The following LHX8 variants were observed in gnomAD, a reference collection of about 807,000 sequenced individuals.
LHX8 encodes LIM homeobox 8.
A neutral mutation model predicts 40.3 loss-of-function variants in LHX8; 12 were observed. The observed-to-expected ratio is 0.30, with a 90% confidence interval of 0.19 to 0.48. LHX8 has a LOEUF of 0.48. LHX8 is among the 20% of genes least tolerant of loss of function. The pLI is 0.99. For missense variants in LHX8, 344 were observed against 433.7 expected, an observed-to-expected ratio of 0.79 and a Z score of 1.84; for synonymous variants, 179 against 162.0, an observed-to-expected ratio of 1.10 and a Z score of -0.80.
intron 6 of LHX8, among the ~76,000 whole-genome samples, chr1:75,145,531 A>G (rs547076629): frequency 6.6e-6 from 1 of 152,290 alleles, no homozygotes; most frequent in Admixed American, 6.5e-5. Context: ...TTTTATGCCA[A>G]ATCCTATACC....
At chr1:75,151,165 T>A (rs1395406576) in intron 7 of LHX8, among the ~76,000 whole-genome samples, 1 of 152,202 alleles carries the variant, frequency 6.6e-6, no homozygotes, top group Non-Finnish European at 1.5e-5. Context: ...GGTTTCATAA[T>A]TAACAAATCA....
intron 4 of LHX8, among the ~76,000 whole-genome samples, chr1:75,141,709 G>T (rs1425979425): frequency 6.6e-6 from 1 of 152,072 alleles, no homozygotes; most frequent in Non-Finnish European, 1.5e-5. Context: ...TGTGATCTCT[G>T]TGTAGTTTAA....
At chr1:75,148,750 C>T in intron 7 of LHX8, 68 bp downstream of exon 7, 4 of 1,075,138 alleles carry the variant, frequency 3.7e-6, no homozygotes, top group African/African-American at 1.6e-5. Context: ...CCTATGTTGC[C>T]CAGACTGATC....
At chr1:75,193,358 T>G in the LHX8 span, among the ~76,000 whole-genome samples, 1 of 152,196 alleles carries the variant, frequency 6.6e-6, no homozygotes, top group Non-Finnish European at 1.5e-5. Context: ...TCTTTTGACC[T>G]TGCTTCTTAC....
upstream of LHX8, chr1:75,132,960 A>G (rs1297611596): frequency 6.6e-6 from 1 of 152,076 alleles, no homozygotes; most frequent in African/African-American, 2.4e-5. Flanking sequence ...GAATTTCTCC[A>G]CCACCCCCAA....
chr1:75,130,135 G>A, upstream of LHX8: 1 of 158,748 alleles, frequency 6.3e-6, no homozygotes, highest in Non-Finnish European at 1.4e-5. Flanking sequence ...TTAGCGTTTC[G>A]CGCCATAGCT....
chr1:75,160,652 A>G (rs1648892360), intron 8 of LHX8, 167 bp from the exon 9 acceptor site: 1 of 652,570 alleles, frequency 1.5e-6, no homozygotes, highest in Middle Eastern at 2.7e-4. Context: ...GACTCTCACT[A>G]TGCTGAATAG....
At chr1:75,165,979 G>C (rs946170214), downstream of LHX8, among the ~76,000 whole-genome samples, 1 of 152,106 alleles carries the variant, frequency 6.6e-6, no homozygotes, top group African/African-American at 2.4e-5. Flanking sequence ...AACAGTAAAA[G>C]GAAAGTTTTT....
chr1:75,180,835 C>T, the LHX8 span, among the ~76,000 whole-genome samples: 1 of 152,078 alleles, frequency 6.6e-6, no homozygotes, highest in Non-Finnish European at 1.5e-5. Flanking sequence ...GTTTTATCTA[C>T]CTTTGGTTTT....
chr1:75,142,364 TAGG>T (rs1200133738), intron 4 of LHX8, among the ~76,000 whole-genome samples: 1 of 152,120 alleles, frequency 6.6e-6, no homozygotes, highest in African/African-American at 2.4e-5. Flanking sequence ...GTGATTGTGA[TAGG>T]AGACATAACA....
At chr1:75,129,524 G>GCGGT (rs1051715481), upstream of LHX8, among the ~76,000 whole-genome samples, 4 of 152,114 alleles carry the variant, frequency 2.6e-5, no homozygotes, top group African/African-American at 9.7e-5. Flanking sequence ...AAAGTTGTGG[G>GCGGT]CGGTCGGCGC....
At chr1:75,172,117 C>T in the LHX8 span, among the ~76,000 whole-genome samples, 1 of 152,306 alleles carries the variant, frequency 6.6e-6, no homozygotes, top group Middle Eastern at 3.4e-3. Context: ...TGCAACAATA[C>T]TTCAATTCCA....
the LHX8 span, among the ~76,000 whole-genome samples, chr1:75,186,743 G>A: frequency 6.6e-6 from 1 of 152,034 alleles, no homozygotes; most frequent in Admixed American, 6.6e-5. Flanking sequence ...GATTTCCTGA[G>A]TGCCAACATA....
At chr1:75,163,881 C>T (rs1018219081), downstream of LHX8, among the ~76,000 whole-genome samples, 1 of 152,106 alleles carries the variant, frequency 6.6e-6, no homozygotes, top group Non-Finnish European at 1.5e-5. Flanking sequence ...ATAAAAGAGA[C>T]CTAAGGGGCT....
chr1:75,196,708 C>T, the LHX8 span, among the ~76,000 whole-genome samples: 57 of 152,190 alleles, frequency 3.7e-4, no homozygotes, highest in South Asian at 3.7e-3. Context: ...TATTAAGAGA[C>T]GGAAAGAGAT....
At chr1:75,160,608 C>A in intron 8 of LHX8, 1 of 572,382 alleles carries the variant, frequency 1.7e-6, no homozygotes, top group Non-Finnish European at 3.1e-6. Flanking sequence ...ATCTTGTGGC[C>A]CCAAATAAAG....
chr1:75,183,176 G>A, the LHX8 span: 1 of 152,166 alleles, frequency 6.6e-6, no homozygotes, highest in Non-Finnish European at 1.5e-5. Context: ...AAGAGATGGG[G>A]AGGGCACAAA....
Position 75,134,435 on chromosome 1 carries a change from A to G in LHX8, c.-532A>G, listed in dbSNP as rs555998426. 1.3e-5 allele frequency among the ~76,000 whole-genome samples: 2 copies of G among 152,114 alleles called. No individual in the cohort carries two copies. Among genetic ancestry groups the G allele is most frequent in the Non-Finnish European group, 2.9e-5 (2 of 68,012 alleles). Reference sequence around the variant, plus strand: ...CAGTGAAGCTGGGAAAGGAATTTTAAGAACGGTTCATCAGAAAGTGGTCAG... The same window carrying G: ...CAGTGAAGCTGGGAAAGGAATTTTAGGAACGGTTCATCAGAAAGTGGTCAG... On this transcript the variant is annotated 5_prime_UTR_variant, in exon 1 of 9. Transcript: ENST00000356261.
At chr1:75,145,554 A>G (rs565712560) in intron 6 of LHX8, among the ~76,000 whole-genome samples, 13 of 152,276 alleles carry the variant, frequency 8.5e-5, no homozygotes, top group Admixed American at 8.5e-4. Flanking sequence ...GCATTTATCT[A>G]CTTTATCTCC....
Sources: gnomAD v4.1 joint callset for allele counts (sites outside exome capture counted in the v4.1 genomes callset) on GRCh38, gnomAD v4.1.1 for gene constraint, MANE v1.5 for transcripts, NCBI Gene and HGNC (gene_info 2026-07-23, HGNC 2026-07-21) for gene names.